PTPRK: variants seen among roughly 807,000 people sequenced by gnomAD.
PTPRK encodes protein tyrosine phosphatase receptor type K.
PTPRK carries 75 observed loss-of-function variants against 178.0 expected under a neutral mutation model. That is an observed-to-expected ratio of 0.42 (90% CI 0.35 to 0.51). The LOEUF (loss-of-function observed/expected upper bound fraction) is 0.51. PTPRK is among the 20% of genes least tolerant of loss of function. PTPRK has a pLI of 0.02. For missense variants in PTPRK, 1,441 were observed against 1,797.8 expected (o/e 0.80, Z 3.59); for synonymous variants, 637 against 620.6 (o/e 1.03, Z -0.39).
intron 2 of PTPRK, among the ~76,000 whole-genome samples, chr6:128,396,494 A>G (rs1404792228): frequency 1.3e-5 from 2 of 152,006 alleles, no homozygotes; most frequent in Non-Finnish European, 2.9e-5. Flanking sequence ...TGCTAAGCAT[A>G]TACGCACAGA....
At chr6:128,366,972 A>C (rs761809636) in intron 2 of PTPRK, among the ~76,000 whole-genome samples, 1 of 152,126 alleles carries the variant, frequency 6.6e-6, no homozygotes, top group Non-Finnish European at 1.5e-5. Flanking sequence ...ATCTTCATAG[A>C]AACAGGCTCC....
chr6:127,974,829 C>T (rs906393652), intron 27 of PTPRK, among the ~76,000 whole-genome samples: 2 of 152,110 alleles, frequency 1.3e-5, no homozygotes, highest in African/African-American at 4.8e-5. Flanking sequence ...TTTTTTCCTA[C>T]ACTCTGTATC....
chr6:128,191,612 G>A (rs943929173), intron 6 of PTPRK, among the ~76,000 whole-genome samples: 1 of 151,746 alleles, frequency 6.6e-6, no homozygotes, highest in Non-Finnish European at 1.5e-5. Context: ...ATAAATATAT[G>A]GTAATTAGCT....
intron 13 of PTPRK, among the ~76,000 whole-genome samples, chr6:128,020,717 G>A (rs1773373789): frequency 1.3e-5 from 2 of 152,142 alleles, no homozygotes; most frequent in South Asian, 4.1e-4. Flanking sequence ...AACGTGATGT[G>A]ATCTAAAATA....
intron 13 of PTPRK, among the ~76,000 whole-genome samples, chr6:128,012,536 A>G (rs1779167157): frequency 6.6e-6 from 1 of 151,240 alleles, no homozygotes; most frequent in African/African-American, 2.4e-5. Context: ...TCTGCCAAAG[A>G]GCATATAAGG....
intron 2 of PTPRK, among the ~76,000 whole-genome samples, chr6:128,389,836 T>C (rs1839305724): frequency 6.6e-6 from 1 of 151,996 alleles, no homozygotes; most frequent in Non-Finnish European, 1.5e-5. Context: ...CAGGAAAAAA[T>C]TCCAGTCTCA....
chr6:128,061,297 C>T (rs1780765577), intron 13 of PTPRK, among the ~76,000 whole-genome samples: 1 of 151,950 alleles, frequency 6.6e-6, no homozygotes, highest in South Asian at 2.1e-4. Flanking sequence ...TCCCAGACTA[C>T]ATTTGGAATG....
intron 2 of PTPRK, among the ~76,000 whole-genome samples, chr6:128,364,562 TTA>T: frequency 6.6e-6 from 1 of 152,048 alleles, no homozygotes; most frequent in Admixed American, 6.6e-5. Context: ...AGCAGAGGCC[TTA>T]ATAAGGCATT....
intron 5 of PTPRK, among the ~76,000 whole-genome samples, chr6:128,236,525 T>G (rs1353654763): frequency 6.6e-6 from 1 of 151,900 alleles, no homozygotes; most frequent in East Asian, 1.9e-4. Context: ...ATTTTTGTAT[T>G]TTTAGTAGAG....
At chr6:128,176,670 C>T (rs1033218824) in intron 7 of PTPRK, among the ~76,000 whole-genome samples, 1 of 151,712 alleles carries the variant, frequency 6.6e-6, no homozygotes, top group African/African-American at 2.4e-5. Context: ...CTGCAGTTTA[C>T]ATTCAGGTTG....
At position 128,108,069 on chromosome 6, in the gene PTPRK, AACACACAC is replaced by A. The variant is rs67513455; in HGVS notation, c.1163-18085_1163-18078del. ...AACAAACCAAATCCCTAAATAGCAA[AACACACAC>A]ACACACACACACACACACACACACA... On this transcript the variant is annotated intron_variant, in intron 7 of 29. Coordinates refer to ENST00000368226, the MANE Select transcript of PTPRK (RefSeq NM_002844.4). Among the ~76,000 whole-genome samples the A allele has an allele frequency of 5.1e-3, 689 of 133,848 alleles. 3 individuals carry two copies. The highest frequency in any genetic ancestry group is 0.013 in the African/African-American group (473 of 35,080). 87.8% of individuals were successfully genotyped at this position (133,848 alleles called of 152,430 possible).
chr6:128,103,585 C>A (rs918598378), intron 7 of PTPRK, among the ~76,000 whole-genome samples: 10 of 152,112 alleles, frequency 6.6e-5, no homozygotes, highest in African/African-American at 2.2e-4. Flanking sequence ...GTGAGCCACA[C>A]CCCTGTTGAA....
At chr6:128,461,486 T>C (rs929181728) in intron 1 of PTPRK, among the ~76,000 whole-genome samples, 2 of 152,180 alleles carry the variant, frequency 1.3e-5, no homozygotes, top group Non-Finnish European at 2.9e-5. Flanking sequence ...GACCTGTTTT[T>C]TTTTCATTTT....
chr6:128,379,637 T>C (rs1837597002), intron 2 of PTPRK, among the ~76,000 whole-genome samples: 1 of 152,224 alleles, frequency 6.6e-6, no homozygotes, highest in Non-Finnish European at 1.5e-5. Context: ...ATGCCTCAGT[T>C]GCTTTCTTTT....
chr6:128,263,391 A>T (rs536825532), intron 3 of PTPRK, among the ~76,000 whole-genome samples: 1 of 152,158 alleles, frequency 6.6e-6, no homozygotes, highest in Non-Finnish European at 1.5e-5. Flanking sequence ...GGAATGACAG[A>T]TCATGGTTTG....
chr6:128,321,061 T>A (rs906315618), intron 3 of PTPRK: 4 of 152,242 alleles, frequency 2.6e-5, no homozygotes, highest in South Asian at 4.1e-4. Context: ...GCAAAGCATT[T>A]CTTTTTTCCC....
chr6:128,211,618 G>C (rs17427952), intron 6 of PTPRK, among the ~76,000 whole-genome samples: 8,710 of 151,940 alleles, frequency 0.057, 366 homozygotes, highest in Non-Finnish European at 0.081. Flanking sequence ...TTCCATGTTT[G>C]TATTCTTAGT....
rs182264676 is a variant in PTPRK, at chr6:128,172,216, T to C, written c.1162+12216A>G. ...TTAGGGAATGAATCACTAACAATTT[T>C]CCCTACCTTTGTTTTAATAATAGGC... On this transcript the variant is annotated intron_variant, in intron 7 of 29. Transcript: ENST00000368226. Among the ~76,000 whole-genome samples, 295 of 152,092 alleles carry C rather than the reference T, an allele frequency of 1.9e-3. 1 individual carries two copies. The highest frequency in any genetic ancestry group is 3.5e-3 in the Non-Finnish European group (240 of 67,936).
In PTPRK at chr6:128,363,416, A is replaced by G. The variant is rs377378845; in HGVS notation, c.223+34150T>C. On this transcript the variant is annotated intron_variant, in intron 2 of 29. Transcript: ENST00000368226. ...ATGACTTGCTATGCACATAACATAA[A>G]TAATAAATAAATTGCCATTGTCCCT... Among the ~76,000 whole-genome samples, 4 of 152,310 alleles carry G rather than the reference A, an allele frequency of 2.6e-5. No homozygotes were observed. The South Asian group carries it at 6.2e-4, about 24-fold the overall frequency.
Sources: gnomAD v4.1 joint callset for allele counts (sites outside exome capture counted in the v4.1 genomes callset) on GRCh38, gnomAD v4.1.1 for gene constraint, MANE v1.5 for transcripts, NCBI Gene and HGNC (gene_info 2026-07-23, HGNC 2026-07-21) for gene names.